The following VPS13D variants were observed in gnomAD, a reference collection of about 807,000 sequenced individuals.
VPS13D encodes intermembrane lipid transfer protein VPS13D.
In VPS13D, 187 loss-of-function variants were observed where a neutral mutation model predicts 461.9. The observed-to-expected ratio is 0.40, with a 90% confidence interval of 0.36 to 0.46. VPS13D has a LOEUF of 0.46. Among genes scored for constraint, VPS13D ranks in the 20% least tolerant of loss-of-function variants. VPS13D has a pLI of 0.60. For synonymous variants in VPS13D, 1,951 were observed against 1,986.3 expected, an observed-to-expected ratio of 0.98 and a Z score of 0.47; for missense variants, 4,711 against 5,364.9, an observed-to-expected ratio of 0.88 and a Z score of 3.81.
intron 16 of VPS13D, among the ~76,000 whole-genome samples, chr1:12,270,271 A>T (rs1012980626): frequency 1.3e-5 from 2 of 152,062 alleles, no homozygotes; most frequent in African/African-American, 4.8e-5. Context: ...AGCCTAGCCA[A>T]CATGGTGAAA....
chr1:12,337,319 A>T (rs1643473362), intron 39 of VPS13D: 1 of 152,216 alleles, frequency 6.6e-6, no homozygotes, highest in Non-Finnish European at 1.5e-5. Context: ...TAGCAGGCCT[A>T]CTAAAATGAT....
At chr1:12,272,788 C>T (rs1348475977) in intron 17 of VPS13D, among the ~76,000 whole-genome samples, 3 of 152,130 alleles carry the variant, frequency 2.0e-5, no homozygotes, top group Admixed American at 2.0e-4. Context: ...TAGTTATTTG[C>T]TATTTTTTTT....
chr1:12,396,206 G>T (rs1452752243), intron 60 of VPS13D, among the ~76,000 whole-genome samples: 1 of 151,586 alleles, frequency 6.6e-6, no homozygotes, highest in African/African-American at 2.4e-5. Context: ...TGGAGTGTCT[G>T]CTAGGACTGC....
intron 1 of VPS13D, among the ~76,000 whole-genome samples, chr1:12,232,439 G>T (rs1640008583): frequency 6.6e-6 from 1 of 152,120 alleles, no homozygotes. Context: ...CCTGAAAGTA[G>T]GCTGGCTCCA....
In VPS13D at chr1:12,323,774, T is replaced by G. The variant is rs759452468; in HGVS notation, c.7984T>G (p.Cys2662Gly). The change falls in exon 35 of 70, where the codon TGT becomes GGT. Residue 2662 changes from cysteine (C) to glycine (G), a missense_variant. Around this residue, in one of 3 missense-constraint regions of VPS13D, gnomAD observed 4,411 missense variants for 4,937.8 expected, o/e 0.89. Transcript: ENST00000620676. ...TGATTGTCGCAAAGCTCTTTTGGCG[T>G]GTCAAGGTAATTTGAACAGGGTTCT... is the stretch of plus-strand genomic sequence containing the variant. ...MDDCRKALLA[C>G]QGQLKKAASW... 2 of 1,614,110 alleles carry G rather than the reference T, an allele frequency of 1.2e-6. No homozygotes were observed. The highest frequency in any genetic ancestry group is 3.3e-5 in the Admixed American group (2 of 60,022).
chr1:12,248,795 A>G (rs923293627), intron 5 of VPS13D, among the ~76,000 whole-genome samples: 12 of 152,212 alleles, frequency 7.9e-5, no homozygotes, highest in African/African-American at 2.9e-4. Flanking sequence ...CAAGATGAAG[A>G]TATCAACAGA....
intron 66 of VPS13D, 77 bp downstream of exon 66, chr1:12,456,207 A>G: frequency 8.0e-6 from 12 of 1,508,772 alleles, no homozygotes; most frequent in Non-Finnish European, 1.1e-5. Flanking sequence ...TTGCAGCTAT[A>G]AAAAAAGAAA....
rs968780964 is a variant in VPS13D at position 12,431,142 on chromosome 1, A to G, written c.12333+14315A>G. Among the ~76,000 whole-genome samples, 9 of 152,222 alleles carry G rather than the reference A, an allele frequency of 5.9e-5. No homozygotes were observed. In the East Asian group the frequency reaches 1.7e-3, roughly 29 times the overall value. ...CCTAGTTTTAATAATATTTCATATG[A>G]TAATTTAAACTCTCTAACTTTTGCC... On this transcript the variant is annotated intron_variant, in intron 65 of 69. Transcript: ENST00000620676.
intron 65 of VPS13D, among the ~76,000 whole-genome samples, chr1:12,429,560 G>A (rs1644966330): frequency 6.6e-6 from 1 of 152,178 alleles, no homozygotes. Flanking sequence ...CCAAAGTGCT[G>A]GCATTACAGG....
intron 29 of VPS13D, among the ~76,000 whole-genome samples, chr1:12,313,354 C>T (rs1028119582): frequency 7.4e-6 from 1 of 134,364 alleles, no homozygotes; most frequent in Non-Finnish European, 1.5e-5. Context: ...GTTGCCCAGG[C>T]GGGACTGCAG....
At chr1:12,297,088 G>A (rs187683326) in intron 24 of VPS13D, among the ~76,000 whole-genome samples, 43 of 152,272 alleles carry the variant, frequency 2.8e-4, no homozygotes, top group African/African-American at 1.0e-3. Context: ...TTTATATAGA[G>A]CTAAGATCTA....
chr1:12,358,719 C>T, intron 50 of VPS13D, 118 bp downstream of exon 50: 1 of 1,312,104 alleles, frequency 7.6e-7, no homozygotes. Context: ...TCTTATTTGG[C>T]ATTGGGTCAG....
In VPS13D at chr1:12,277,634, C is replaced by T; in HGVS notation, c.4046C>T (p.Thr1349Ile). The T allele has an allele frequency of 1.2e-6, 2 of 1,614,086 alleles. No individual in the cohort carries two copies. The highest frequency in any genetic ancestry group is 1.7e-6 in the Non-Finnish European group (2 of 1,180,020). Residue 1349 changes from threonine to isoleucine, a missense_variant, in exon 19 of 70, where the codon ACT (threonine) becomes ATT (isoleucine). Transcript: ENST00000620676. ...TCGCTCTTTGAAACTCCAAGGAAGA[C>T]TCGGGAACCCTTTATCTTAGAGGAA... ...MVSLFETPRK[T>I]REPFILEENE...
In VPS13D at chr1:12,268,739, T is replaced by G. The variant is rs1279367028; in HGVS notation, c.1835T>G (p.Leu612Arg). The change falls in exon 16 of 70, where the codon CTG (leucine) becomes CGG (arginine). Residue 612 changes from leucine (L) to arginine (R), a missense_variant. By Grantham distance (102) the Leu-to-Arg change is moderately radical. Transcript: ENST00000620676. ...ADPDGPVFEM[L>R]YERNPAHSHF... ...CCAGATGGCCCCGTTTTTGAGATGC[T>G]GTATGAGAGAAATCCGGCGCACAGC... The G allele has an allele frequency of 5.0e-6, 8 of 1,613,852 alleles. No individual in the cohort carries two copies. Among genetic ancestry groups the G allele is most frequent in the Non-Finnish European group, 6.8e-6 (8 of 1,179,962 alleles).
intron 25 of VPS13D, among the ~76,000 whole-genome samples, chr1:12,302,461 G>A (rs947643509): frequency 1.3e-5 from 2 of 152,200 alleles, no homozygotes; most frequent in African/African-American, 4.8e-5. Context: ...GAATTGCCAA[G>A]ATACTGAAGA....
At chr1:12,480,882 A>T (rs1398348613) in intron 67 of VPS13D, among the ~76,000 whole-genome samples, 1 of 152,180 alleles carries the variant, frequency 6.6e-6, no homozygotes, top group Non-Finnish European at 1.5e-5. Context: ...ATCCTTTGGA[A>T]AGGGAGCAAT....
At chr1:12,322,434 GTTGGACT>G in intron 33 of VPS13D, 95 bp from the exon 34 acceptor site, 6 of 1,162,656 alleles carry the variant, frequency 5.2e-6, no homozygotes, top group Non-Finnish European at 7.4e-6. Context: ...TGCAGTATCT[GTTGGACT>G]TTTAGAAGTT....
chr1:12,403,698 C>A, intron 62 of VPS13D, 127 bp from the exon 63 acceptor site: 1 of 886,354 alleles, frequency 1.1e-6, no homozygotes, highest in Non-Finnish European at 1.7e-6. Flanking sequence ...CCCTCACAAA[C>A]TAAATCGAGA....
At chr1:12,486,955 C>A (rs1057079660) in intron 67 of VPS13D, among the ~76,000 whole-genome samples, 2 of 152,238 alleles carry the variant, frequency 1.3e-5, no homozygotes, top group African/African-American at 4.8e-5. Flanking sequence ...TCCCTCAACA[C>A]CTACGTTTCC....
Sources: allele counts gnomAD v4.1 joint callset (sites outside exome capture counted in the v4.1 genomes callset), GRCh38; gene constraint gnomAD v4.1.1; regional missense constraint gnomAD v4.1.1; transcripts MANE v1.5; gene names NCBI Gene and HGNC (gene_info 2026-07-23, HGNC 2026-07-21).